The following NEBL variants were observed in gnomAD, a reference collection of about 807,000 sequenced individuals.
The protein encoded by NEBL is LIM and SH3 protein 2.
NEBL carries 122 observed loss-of-function variants against 140.2 expected under a neutral mutation model. The ratio of observed to expected loss-of-function variants is 0.87; its 90% confidence interval spans 0.75 to 1.01. The LOEUF (loss-of-function observed/expected upper bound fraction) is 1.01. Ranked by LOEUF, NEBL falls within the 50% of genes least tolerant of loss-of-function variation. NEBL has a pLI of 0.00. For synonymous variants in NEBL, 436 were observed against 398.9 expected (o/e 1.09, Z -1.11); for missense variants, 1,365 against 1,231.3 (o/e 1.11, Z -1.62).
intron 2 of NEBL, chr10:21,030,696 C>A: frequency 2.1e-6 from 1 of 481,634 alleles, no homozygotes; most frequent in Non-Finnish European, 4.1e-6. Context: ...GGAACTCTAG[C>A]CATGGTCCAG....
At chr10:21,011,420 G>C (rs530184211) in intron 3 of NEBL, among the ~76,000 whole-genome samples, 1 of 152,156 alleles carries the variant, frequency 6.6e-6, no homozygotes, top group Non-Finnish European at 1.5e-5. Flanking sequence ...TAGTTCCATC[G>C]GTTGCATTGA....
chr10:21,148,434 A>G (rs1235411346), intron 2 of NEBL, among the ~76,000 whole-genome samples: 2 of 152,104 alleles, frequency 1.3e-5, no homozygotes, highest in East Asian at 3.9e-4. Flanking sequence ...CCTGTGGTAG[A>G]ATGTTGGGAT....
chr10:20,899,416 A>G (rs754286834), upstream of NEBL: 132 of 1,303,872 alleles, frequency 1.0e-4, no homozygotes, highest in Non-Finnish European at 1.3e-4. Context: ...CTCATTTCCC[A>G]TCACGTAATA....
chr10:20,955,117 C>G (rs1229828806), intron 4 of NEBL, among the ~76,000 whole-genome samples: 4 of 152,172 alleles, frequency 2.6e-5, no homozygotes, highest in African/African-American at 4.8e-5. Context: ...TTCCCACACT[C>G]CTATCAAGGG....
intron 3 of NEBL, among the ~76,000 whole-genome samples, chr10:21,008,864 C>T (rs901488061): frequency 6.6e-6 from 1 of 151,836 alleles, no homozygotes; most frequent in Non-Finnish European, 1.5e-5. Context: ...GGGGTGTCTA[C>T]TGTATGCATA....
intron 2 of NEBL, among the ~76,000 whole-genome samples, chr10:21,023,721 A>T (rs1044763108): frequency 2.0e-5 from 3 of 151,632 alleles, no homozygotes; most frequent in African/African-American, 4.9e-5. Context: ...ATAAATAAAT[A>T]AAATAAAGTA....
chr10:21,133,751 A>G (rs1422286905), intron 2 of NEBL, among the ~76,000 whole-genome samples: 1 of 152,164 alleles, frequency 6.6e-6, no homozygotes, highest in Admixed American at 6.5e-5. Context: ...ATAGCCGTGT[A>G]GGGTTTGGTT....
chr10:20,957,128 A>T (rs183686388), intron 4 of NEBL, among the ~76,000 whole-genome samples: 97 of 152,312 alleles, frequency 6.4e-4, no homozygotes, highest in Middle Eastern at 3.4e-3. Flanking sequence ...ACTTTGAATC[A>T]AATCTTTTAA....
Position 20,925,312 on chromosome 10 carries a change from A to C in NEBL, c.357+36360T>G, listed in dbSNP as rs530960894. Among the ~76,000 whole-genome samples the C allele has an allele frequency of 2.6e-5, 4 of 152,330 alleles. No homozygotes were observed. The East Asian group carries it at 5.8e-4, about 22-fold the overall frequency. On this transcript the variant is annotated intron_variant, in intron 4 of 6. Transcript: ENST00000417816. ...TTTATTTCTTTAATGACTGTGGAAC[A>C]TTCCATGGTATGGATGGAATATTTG...
intron 3 of NEBL, among the ~76,000 whole-genome samples, chr10:21,015,449 A>T (rs1434333308): frequency 6.6e-6 from 1 of 152,228 alleles, no homozygotes; most frequent in Admixed American, 6.5e-5. Context: ...AGCCCGAAAA[A>T]GGGAATGCTT....
At chr10:21,163,585 T>C (rs1840641135) in intron 2 of NEBL, among the ~76,000 whole-genome samples, 1 of 152,224 alleles carries the variant, frequency 6.6e-6, no homozygotes. Flanking sequence ...CCCAGATCTA[T>C]AGACCCTTGG....
chr10:21,144,742 A>G (rs182893458), intron 2 of NEBL, among the ~76,000 whole-genome samples: 89 of 152,140 alleles, frequency 5.8e-4, no homozygotes, highest in Admixed American at 5.0e-3. Context: ...ATGAAAAAAG[A>G]AAAAAAGGCA....
rs1840124734 is a variant in NEBL, at chr10:20,828,760, A to G, written c.1672-126T>C. 6 of 664,296 alleles carry G rather than the reference A, an allele frequency of 9.0e-6. No individual in the cohort carries two copies. The Admixed American group carries it at 1.3e-4, about 14-fold the overall frequency. 41.2% of individuals were successfully genotyped at this position (664,296 alleles called of 1,614,324 possible). A position where few individuals can be genotyped will look rare whatever the true frequency, so the allele number is the denominator to read the frequency against. ...TAAAAAACTGTTTTTACTGACTTAC[A>G]CTCCCAGAGAGAGAGAGAGAGAGGT... is the stretch of plus-strand genomic sequence containing the variant. On this transcript the variant is annotated intron_variant, in intron 16 of 27. Coordinates refer to ENST00000377122, the MANE Select transcript of NEBL (RefSeq NM_006393.3).
intron 3 of NEBL, among the ~76,000 whole-genome samples, chr10:21,193,815 TGTG>T (rs1841611765): frequency 6.6e-6 from 1 of 152,200 alleles, no homozygotes; most frequent in Non-Finnish European, 1.5e-5. Context: ...TATTTGTTGT[TGTG>T]GAGATTTCTT....
intron 2 of NEBL, among the ~76,000 whole-genome samples, chr10:21,093,283 G>A (rs1157470675): frequency 6.6e-6 from 1 of 151,320 alleles, no homozygotes; most frequent in Non-Finnish European, 1.5e-5. Context: ...GTAGTGCCAG[G>A]GTCCACCAGC....
intron 3 of NEBL, among the ~76,000 whole-genome samples, chr10:21,245,141 G>A (rs1177638216): frequency 6.6e-6 from 1 of 152,134 alleles, no homozygotes; most frequent in African/African-American, 2.4e-5. Context: ...TCCAGCCTGG[G>A]CAACGGAGCA....
At chr10:21,192,401 C>A (rs191354387) in intron 3 of NEBL, among the ~76,000 whole-genome samples, 71 of 151,554 alleles carry the variant, frequency 4.7e-4, no homozygotes, top group African/African-American at 1.3e-3. Context: ...ACCTTGTTAG[C>A]CAGGATGGTC....
At chr10:21,072,008 G>T (rs1835840564) in intron 2 of NEBL, among the ~76,000 whole-genome samples, 1 of 152,060 alleles carries the variant, frequency 6.6e-6, no homozygotes, top group African/African-American at 2.4e-5. Flanking sequence ...AGTAGAGATG[G>T]GGTTTCACCA....
chr10:20,979,527 T>C (rs1400388440), intron 3 of NEBL, among the ~76,000 whole-genome samples: 1 of 152,226 alleles, frequency 6.6e-6, no homozygotes, highest in African/African-American at 2.4e-5. Flanking sequence ...CTAATATTAT[T>C]ACTTCAAGAA....
Sources: allele counts gnomAD v4.1 joint callset (sites outside exome capture counted in the v4.1 genomes callset), GRCh38; gene constraint gnomAD v4.1.1; transcripts MANE v1.5; gene names NCBI Gene and HGNC (gene_info 2026-07-23, HGNC 2026-07-21).